The following WLS variants were observed in gnomAD, a reference collection of about 807,000 sequenced individuals.
WLS encodes the protein protein wntless homolog.
WLS carries 23 observed loss-of-function variants against 62.8 expected under a neutral mutation model. The ratio of observed to expected loss-of-function variants is 0.37; its 90% CI spans 0.26 to 0.52. The LOEUF (loss-of-function observed/expected upper bound fraction) is 0.52. WLS is among the 20% of genes least tolerant of loss of function. The pLI is 0.92. For missense variants in WLS, 615 were observed against 697.3 expected, an observed-to-expected ratio of 0.88 and a Z score of 1.33; for synonymous variants, 246 against 244.1, an observed-to-expected ratio of 1.01 and a Z score of -0.07.
intron 10 of WLS, among the ~76,000 whole-genome samples, chr1:68,139,258 A>T (rs1022231768): frequency 6.6e-6 from 1 of 152,218 alleles, no homozygotes; most frequent in Non-Finnish European, 1.5e-5. Context: ...TTTCATAACC[A>T]TTACTAATTT....
chr1:68,114,665 G>GGA (rs1007784663), intron 11 of WLS, among the ~76,000 whole-genome samples: 3 of 152,196 alleles, frequency 2.0e-5, no homozygotes, highest in Non-Finnish European at 4.4e-5. Flanking sequence ...GCCAGATGAT[G>GGA]GAGTGACCAC....
At chr1:68,144,916 GGCT>G in intron 9 of WLS, among the ~76,000 whole-genome samples, 1 of 152,302 alleles carries the variant, frequency 6.6e-6, no homozygotes, top group Non-Finnish European at 1.5e-5. Context: ...CACGTCGTGA[GGCT>G]GCTAATTTCC....
intron 2 of WLS, among the ~76,000 whole-genome samples, chr1:68,169,110 C>T (rs1417297179): frequency 6.6e-6 from 1 of 152,210 alleles, no homozygotes; most frequent in Non-Finnish European, 1.5e-5. Flanking sequence ...GAATTATCTT[C>T]CACATGTAAG....
At chr1:68,172,592 A>G (rs1647171123) in intron 2 of WLS, among the ~76,000 whole-genome samples, 1 of 152,204 alleles carries the variant, frequency 6.6e-6, no homozygotes, top group South Asian at 2.1e-4. Flanking sequence ...CTGCATTAGA[A>G]GTATATATGA....
intron 2 of WLS, among the ~76,000 whole-genome samples, chr1:68,174,066 G>A (rs1162124308): frequency 6.6e-6 from 1 of 152,172 alleles, no homozygotes; most frequent in Non-Finnish European, 1.5e-5. Flanking sequence ...TCCTCAGTCT[G>A]CCTTGCCCAG....
At chr1:68,180,446 G>A (rs1647489017) in intron 2 of WLS, among the ~76,000 whole-genome samples, 1 of 152,060 alleles carries the variant, frequency 6.6e-6, no homozygotes, top group East Asian at 1.9e-4. Flanking sequence ...GGGAAACTGA[G>A]GCAGGGCTTG....
Position 68,228,904 on chromosome 1 carries a change from T to G in WLS, c.106+3290A>C, listed in dbSNP as rs528415147. Among the ~76,000 whole-genome samples the G allele has an allele frequency of 2.8e-4, 41 of 147,692 alleles. 1 individual carries two copies. The highest frequency in any genetic ancestry group is 8.0e-4 in the Admixed American group (12 of 14,908). ...AAAAATGTGTTTTTTTTTGTTTTTTTTTTTTTTTGGTAAGAAGGATGTTGA... is the reference window on the plus strand; with the variant it reads ...AAAAATGTGTTTTTTTTTGTTTTTTGTTTTTTTTGGTAAGAAGGATGTTGA... On this transcript the variant is annotated intron_variant, in intron 1 of 11. Transcript: ENST00000262348.
chr1:68,143,346 A>T (rs561708047), intron 10 of WLS, among the ~76,000 whole-genome samples: 1 of 152,298 alleles, frequency 6.6e-6, no homozygotes, highest in East Asian at 1.9e-4. Context: ...AACTTATTGC[A>T]TGTCCTTTGG....
intron 11 of WLS, among the ~76,000 whole-genome samples, chr1:68,136,036 G>C (rs150657515): frequency 6.6e-6 from 1 of 152,162 alleles, no homozygotes; most frequent in African/African-American, 2.4e-5. Flanking sequence ...ATTGTAACAT[G>C]TCTACTCCAA....
chr1:68,148,043 T>C (rs186874572), intron 8 of WLS, 93 bp downstream of exon 8: 56 of 1,316,362 alleles, frequency 4.3e-5, no homozygotes, highest in South Asian at 3.6e-4. Context: ...GCTGAGTACA[T>C]ATGGGGAGCA....
chr1:68,171,114 A>T (rs1281836408), intron 2 of WLS, among the ~76,000 whole-genome samples: 1 of 152,060 alleles, frequency 6.6e-6, no homozygotes, highest in Admixed American at 6.6e-5. Flanking sequence ...CCTGTGCTAG[A>T]TGGACCATCC....
intron 11 of WLS, among the ~76,000 whole-genome samples, chr1:68,115,233 C>T (rs974922708): frequency 2.0e-5 from 3 of 152,208 alleles, no homozygotes; most frequent in African/African-American, 7.2e-5. Context: ...GGTGGCTTAA[C>T]CCTCTCCCTC....
At chr1:68,170,166 T>TTCTTTTCTTTTC (rs1290583071) in intron 2 of WLS, among the ~76,000 whole-genome samples, 110 of 136,994 alleles carry the variant, frequency 8.0e-4, no homozygotes, top group African/African-American at 2.6e-3. Flanking sequence ...ATTTCTTTTT[T>TTCTTTTCTTTTC]TTTTTTTTTT....
chr1:68,124,964 A>G (rs1646407704), downstream of WLS, among the ~76,000 whole-genome samples: 1 of 152,254 alleles, frequency 6.6e-6, no homozygotes, highest in African/African-American at 2.4e-5. Flanking sequence ...GTAAGCAGTT[A>G]AAGTTTATCG....
In WLS at chr1:68,148,678, G is replaced by T; in HGVS notation, c.973-18C>A. ...TGCTGATCCTGAGGAAAACCAAATT[G>T]AGAAGGGAGATAGAGGGGAGAGGAA... is the stretch of plus-strand genomic sequence containing the variant. On this transcript the variant is annotated intron_variant, in intron 6 of 11. Coordinates refer to ENST00000262348, the MANE Select transcript of WLS (RefSeq NM_024911.7). 1.2e-6 allele frequency: 2 copies of T among 1,611,752 alleles called. No individual in the cohort carries two copies. Among genetic ancestry groups the T allele is most frequent in the South Asian group, 2.2e-5 (2 of 90,394 alleles).
chr1:68,148,613 T>A lies in WLS; in HGVS notation c.1020A>T (p.Gly340=), dbSNP rs368544357. 8.7e-6 allele frequency: 14 copies of A among 1,613,958 alleles called. 1 individual carries two copies. The highest frequency in any genetic ancestry group is 1.7e-5 in the Admixed American group (1 of 59,990). The change falls in exon 7 of 12, where the codon GGA becomes GGT. Residue 340 remains glycine (G), a synonymous_variant. Transcript: ENST00000262348. ...NHIAGYWKQV[G]PIAVGSFCLF... ...GGCAGAAGGAGCCAACGGCAATGGGTCCGACTTGCTTCCAATACCCTGCGA... is the reference window on the plus strand; with the variant it reads ...GGCAGAAGGAGCCAACGGCAATGGGACCGACTTGCTTCCAATACCCTGCGA...
intron 11 of WLS, among the ~76,000 whole-genome samples, chr1:68,101,001 C>A (rs78141887): frequency 6.6e-6 from 1 of 152,102 alleles, no homozygotes; most frequent in Non-Finnish European, 1.5e-5. Flanking sequence ...TAAACATAAA[C>A]GTGGCCAAAC....
Position 68,171,997 on chromosome 1 carries a change from G to C in WLS, c.380-12750C>G, listed in dbSNP as rs564002124. Among the ~76,000 whole-genome samples the C allele has an allele frequency of 5.9e-5, 9 of 152,310 alleles. No individual in the cohort carries two copies. The East Asian group carries it at 1.7e-3, about 29-fold the overall frequency. On this transcript the variant is annotated intron_variant, in intron 2 of 11. Coordinates refer to ENST00000262348, the MANE Select transcript of WLS (RefSeq NM_024911.7). ...ACTATGCAGCCATAACAAAGGATGA[G>C]TTCATGTCCTTTGTAGGGACATGGA...
intron 11 of WLS, among the ~76,000 whole-genome samples, chr1:68,106,744 G>GTGTGTGTGTGTGTA (rs1364869078): frequency 2.7e-5 from 4 of 149,596 alleles, no homozygotes; most frequent in African/African-American, 1.0e-4. Flanking sequence ...GTGTGTGTGT[G>GTGTGTGTGTGTGTA]TGTGTGTATG....
Sources: allele counts gnomAD v4.1 joint callset (sites outside exome capture counted in the v4.1 genomes callset), GRCh38; gene constraint gnomAD v4.1.1; transcripts MANE v1.5; gene names NCBI Gene and HGNC (gene_info 2026-07-23, HGNC 2026-07-21).